Variants in LARGE1 observed in about 807,000 individuals in gnomAD.
The protein encoded by LARGE1 is LARGE xylosyl- and glucuronyltransferase 1.
A neutral mutation model predicts 87.6 loss-of-function variants in LARGE1; 43 were observed. That is an observed-to-expected ratio of 0.49 (90% CI 0.38 to 0.63). The LOEUF is 0.63. Among genes scored for constraint, LARGE1 ranks in the 30% least tolerant of loss-of-function variants. The pLI is 0.00. For synonymous variants in LARGE1, 434 were observed against 394.6 expected (o/e 1.10, Z -1.18); for missense variants, 802 against 1,000.2 (o/e 0.80, Z 2.67).
chr22:33,180,607 C>A (rs1211176099), intron 11 of LARGE1, among the ~76,000 whole-genome samples: 1 of 152,140 alleles, frequency 6.6e-6, no homozygotes, highest in Non-Finnish European at 1.5e-5. Flanking sequence ...TATGTTCACA[C>A]AAAAATGTGT....
chr22:33,331,518 C>T (rs1937701084), intron 10 of LARGE1, among the ~76,000 whole-genome samples: 1 of 151,638 alleles, frequency 6.6e-6, no homozygotes, highest in South Asian at 2.1e-4. Flanking sequence ...AGCGATTCTC[C>T]TGTCTCAGCC....
At chr22:33,899,739 G>A (rs1481294080) in intron 1 of LARGE1, among the ~76,000 whole-genome samples, 2 of 152,192 alleles carry the variant, frequency 1.3e-5, no homozygotes, top group Non-Finnish European at 2.9e-5. Context: ...AAGCAACATC[G>A]ATGACCAGCA....
At chr22:33,857,138 A>G (rs912559092) in intron 1 of LARGE1, among the ~76,000 whole-genome samples, 3 of 152,204 alleles carry the variant, frequency 2.0e-5, no homozygotes, top group African/African-American at 7.2e-5. Flanking sequence ...ACTGGTCTCG[A>G]ACTCCTGGCC....
chr22:33,909,498 C>A (rs1391396403), intron 1 of LARGE1, among the ~76,000 whole-genome samples: 1 of 151,950 alleles, frequency 6.6e-6, no homozygotes, highest in Admixed American at 6.6e-5. Context: ...GCCCACAGCC[C>A]CTAACTCACC....
At chr22:33,573,865 C>T (rs1569282216) in intron 5 of LARGE1, among the ~76,000 whole-genome samples, 1 of 152,066 alleles carries the variant, frequency 6.6e-6, no homozygotes, top group Non-Finnish European at 1.5e-5. Flanking sequence ...GCAGTTGATG[C>T]CAGCTATCAA....
At chr22:33,832,932 C>T (rs1221183216) in intron 1 of LARGE1, among the ~76,000 whole-genome samples, 1 of 152,190 alleles carries the variant, frequency 6.6e-6, no homozygotes, top group Non-Finnish European at 1.5e-5. Flanking sequence ...CACTACGGGC[C>T]CATCTGGTCT....
At chr22:33,821,334 G>C (rs1198578570) in intron 1 of LARGE1, among the ~76,000 whole-genome samples, 1 of 151,980 alleles carries the variant, frequency 6.6e-6, no homozygotes, top group Non-Finnish European at 1.5e-5. Flanking sequence ...AGGAGATGGT[G>C]CAGCCAAAAA....
chr22:33,336,029 G>A (rs139359588), intron 10 of LARGE1, among the ~76,000 whole-genome samples: 2 of 152,312 alleles, frequency 1.3e-5, no homozygotes, highest in Non-Finnish European at 2.9e-5. Flanking sequence ...AAGGTCCTCA[G>A]TAAATGTTTG....
chr22:33,264,889 C>CTTTTTTT lies in LARGE1; in HGVS notation c.1730+39333_1730+39339dup, dbSNP rs200074908. ...CTCCCCTTTGACATCTGATCAAATTCTTTTTTTTTTTTTTTTTTTTTTTTG... is the reference window on the plus strand; with the variant it reads ...CTCCCCTTTGACATCTGATCAAATTCTTTTTTTTTTTTTTTTTTTTTTTTTTTTTTTG... On this transcript the variant is annotated intron_variant, in intron 11 of 11. Transcript: ENST00000608642. Among the ~76,000 whole-genome samples, 134 of 74,354 alleles carry CTTTTTTT rather than the reference C, an allele frequency of 1.8e-3. 2 individuals carry two copies. The highest frequency in any genetic ancestry group is 2.0e-3 in the Non-Finnish European group (85 of 43,310). 48.8% of individuals were successfully genotyped at this position (74,354 alleles called of 152,430 possible). A position where few individuals can be genotyped will look rare whatever the true frequency, so the allele number is the denominator to read the frequency against.
intron 1 of LARGE1, among the ~76,000 whole-genome samples, chr22:33,896,798 C>T (rs573377916): frequency 2.0e-5 from 3 of 152,166 alleles, no homozygotes; most frequent in African/African-American, 7.2e-5. Flanking sequence ...TTGAGTTTTC[C>T]GTAATTAGAT....
chr22:33,917,954 C>A (rs1191597865), intron 1 of LARGE1, among the ~76,000 whole-genome samples: 3 of 152,046 alleles, frequency 2.0e-5, no homozygotes, highest in African/African-American at 7.2e-5. Flanking sequence ...TTTTCTTCTT[C>A]GATGGTGGAA....
intron 2 of LARGE1, among the ~76,000 whole-genome samples, chr22:33,661,887 C>T (rs1029554721): frequency 6.6e-6 from 1 of 151,958 alleles, no homozygotes; most frequent in African/African-American, 2.4e-5. Context: ...ACTTTGATAT[C>T]CTTCTCTGTA....
intron 1 of LARGE1, among the ~76,000 whole-genome samples, chr22:33,812,746 C>T (rs2086536207): frequency 6.6e-6 from 1 of 152,136 alleles, no homozygotes; most frequent in African/African-American, 2.4e-5. Context: ...CTGTCCAGGC[C>T]AACAAAGATC....
chr22:33,301,698 G>T (rs1301744885), intron 12 of LARGE1, among the ~76,000 whole-genome samples: 2 of 152,188 alleles, frequency 1.3e-5, no homozygotes, highest in Middle Eastern at 3.4e-3. Flanking sequence ...AAAGCAATTT[G>T]CAATATTTCA....
In LARGE1 at chr22:33,458,662, G is replaced by A. The variant is rs561839960; in HGVS notation, c.788-26397C>T. Among the ~76,000 whole-genome samples, 9 of 146,666 alleles carry A rather than the reference G, an allele frequency of 6.1e-5. No individual in the cohort carries two copies. The South Asian group carries it at 8.9e-4, about 14-fold the overall frequency. On this transcript the variant is annotated intron_variant, in intron 6 of 14. Transcript: ENST00000397394. ...AGGCTGGTCTCGAACTCCTGATCTCGGGTGATCCGCCCACCTAGGCCTCCC... is the reference window on the plus strand; with the variant it reads ...AGGCTGGTCTCGAACTCCTGATCTCAGGTGATCCGCCCACCTAGGCCTCCC...
At chr22:33,353,230 G>A (rs910425711) in intron 9 of LARGE1, among the ~76,000 whole-genome samples, 3 of 152,218 alleles carry the variant, frequency 2.0e-5, no homozygotes, top group Non-Finnish European at 4.4e-5. Flanking sequence ...TGCAGATGAA[G>A]TCACCATAAT....
chr22:33,854,861 C>A (rs1474889727), intron 1 of LARGE1, among the ~76,000 whole-genome samples: 2 of 152,146 alleles, frequency 1.3e-5, no homozygotes, highest in Non-Finnish European at 2.9e-5. Context: ...GATGCAAGAG[C>A]CCGGCGAAGG....
chr22:33,433,912 A>G (rs1287718693), intron 6 of LARGE1, among the ~76,000 whole-genome samples: 1 of 152,180 alleles, frequency 6.6e-6, no homozygotes, highest in East Asian at 1.9e-4. Context: ...TATTCGATCA[A>G]TTTTATTAAG....
intron 11 of LARGE1, among the ~76,000 whole-genome samples, chr22:33,177,007 G>T (rs917369233): frequency 9.2e-5 from 14 of 152,148 alleles, no homozygotes; most frequent in African/African-American, 3.4e-4. Context: ...GTCCTTTGCA[G>T]GAACATGGAT....
Sources: allele counts gnomAD v4.1 joint callset (sites outside exome capture counted in the v4.1 genomes callset), GRCh38; gene constraint gnomAD v4.1.1; transcripts MANE v1.5; gene names NCBI Gene and HGNC (gene_info 2026-07-23, HGNC 2026-07-21).